GLRA3: variants seen among roughly 807,000 people sequenced by gnomAD.
GLRA3 encodes the protein glycine receptor subunit alpha-3.
A neutral mutation model predicts 60.4 loss-of-function variants in GLRA3; 44 were observed. The ratio of observed to expected loss-of-function variants is 0.73; its 90% CI spans 0.57 to 0.94. The LOEUF (loss-of-function observed/expected upper bound fraction) is 0.94, where lower values mean the gene tolerates loss of function less well. GLRA3 is among the 40% of genes least tolerant of loss of function. GLRA3 has a pLI of 0.00. For synonymous variants in GLRA3, 223 were observed against 192.9 expected (o/e 1.16, Z -1.29); for missense variants, 508 against 564.6 (o/e 0.90, Z 1.02).
At chr4:174,661,556 G>A (rs1321389993) in intron 7 of GLRA3, among the ~76,000 whole-genome samples, 2 of 152,160 alleles carry the variant, frequency 1.3e-5, no homozygotes, top group Admixed American at 6.6e-5. Context: ...CCTTCCTGTT[G>A]GGAGGATTAT....
chr4:174,809,186 G>A (rs1354435423), intron 1 of GLRA3, among the ~76,000 whole-genome samples: 6 of 152,110 alleles, frequency 3.9e-5, no homozygotes, highest in Non-Finnish European at 5.9e-5. Context: ...TTAGACATAT[G>A]TATACAATTG....
intron 1 of GLRA3, among the ~76,000 whole-genome samples, chr4:174,800,909 A>G (rs1739784287): frequency 6.8e-6 from 1 of 147,792 alleles, no homozygotes; most frequent in Non-Finnish European, 1.5e-5. Context: ...AATACAGATT[A>G]CATCTGTTTT....
In GLRA3 at chr4:174,659,136, G is replaced by A. The variant is rs760631561; in HGVS notation, c.989C>T (p.Ala330Val). The A allele has an allele frequency of 6.2e-7, 1 of 1,610,918 alleles. No individual in the cohort carries two copies. Among genetic ancestry groups the A allele is most frequent in the South Asian group, 1.1e-5 (1 of 90,992 alleles). ...ATTTACAGCTGCATACTCCAGAAGT[G>A]CTGAAAACACAAAAAGGAGGCATAC... ...MAVCLLFVFS[A>V]LLEYAAVNFV... Residue 330 changes from alanine (A) to valine (V), a missense_variant, in exon 8 of 10, where the codon GCA becomes GTA. By Grantham distance (64) the Ala-to-Val change is moderately conservative. Coordinates refer to ENST00000274093, the MANE Select transcript of GLRA3 (RefSeq NM_006529.4).
intron 2 of GLRA3, among the ~76,000 whole-genome samples, chr4:174,772,911 A>T (rs961497412): frequency 5.9e-5 from 9 of 152,192 alleles, no homozygotes; most frequent in African/African-American, 1.2e-4. Context: ...AATGAAATGG[A>T]TACAGCATCA....
chr4:174,693,696 T>C (rs1188551768), intron 5 of GLRA3, among the ~76,000 whole-genome samples: 3 of 152,204 alleles, frequency 2.0e-5, no homozygotes, highest in Admixed American at 6.5e-5. Flanking sequence ...AGAATGTCAT[T>C]GTTAATTTTA....
chr4:174,815,484 T>C (rs1325148087), intron 1 of GLRA3, among the ~76,000 whole-genome samples: 3 of 152,140 alleles, frequency 2.0e-5, no homozygotes, highest in Admixed American at 1.3e-4. Flanking sequence ...CTAGCAGAAG[T>C]TCCCCATGAG....
chr4:174,819,214 G>A (rs899308134), intron 1 of GLRA3, among the ~76,000 whole-genome samples: 4 of 152,166 alleles, frequency 2.6e-5, no homozygotes, highest in Non-Finnish European at 4.4e-5. Flanking sequence ...ATTAGAATAT[G>A]TTCTTCCCTA....
In GLRA3 at chr4:174,828,731, G is replaced by T. The variant is rs766424970; in HGVS notation, c.71+10C>A. 11 of 1,579,990 alleles carry T rather than the reference G, an allele frequency of 7.0e-6. No individual in the cohort carries two copies. The highest frequency in any genetic ancestry group is 9.6e-6 in the Non-Finnish European group (11 of 1,148,916). ...TGAGTTCTCCGACTGTTAAATCCAA[G>T]CGAACTCACCTGAGTAACAGTGCTG... is the stretch of plus-strand genomic sequence containing the variant. On this transcript the variant is annotated intron_variant, in intron 1 of 9. Transcript: ENST00000274093.
At position 174,727,797 on chromosome 4, in the gene GLRA3, GT is replaced by G. The variant is rs201811599; in HGVS notation, c.491+677del. On this transcript the variant is annotated intron_variant, in intron 4 of 9. Coordinates refer to ENST00000274093, the MANE Select transcript of GLRA3 (RefSeq NM_006529.4). ...GGTATTAATTATTATTCAATATTGG[GT>G]TTTTTTTAATGCTATACACTTTTCT... Among the ~76,000 whole-genome samples, 20 of 151,628 alleles carry G rather than the reference GT, an allele frequency of 1.3e-4. 1 individual carries two copies. The highest frequency in any genetic ancestry group is 6.2e-4 in the South Asian group (3 of 4,806).
At chr4:174,819,888 T>C (rs1413914303) in intron 1 of GLRA3, among the ~76,000 whole-genome samples, 1 of 152,174 alleles carries the variant, frequency 6.6e-6, no homozygotes, top group East Asian at 1.9e-4. Flanking sequence ...ATATTTAGCA[T>C]TGTCATTTAG....
At chr4:174,725,192 CCA>C (rs1736274570) in intron 4 of GLRA3, among the ~76,000 whole-genome samples, 1 of 152,182 alleles carries the variant, frequency 6.6e-6, no homozygotes, top group Non-Finnish European at 1.5e-5. Flanking sequence ...TTCCCAGGCC[CCA>C]CGGCCAATCT....
Position 174,719,065 on chromosome 4 carries a change from C to G in GLRA3, c.492-3495G>C, listed in dbSNP as rs1014010083. Among the ~76,000 whole-genome samples the G allele has an allele frequency of 1.1e-4, 17 of 149,950 alleles. No individual in the cohort carries two copies. The East Asian group carries it at 1.4e-3, about 12-fold the overall frequency. On this transcript the variant is annotated intron_variant, in intron 4 of 9. Transcript: ENST00000274093. ...GCAGGCTCCGCCCCCTGGGGTTCAC[C>G]CCATTCTCCTGCCTCAGCCTCCCGA...
At chr4:174,799,834 G>A (rs1259029555) in intron 1 of GLRA3, among the ~76,000 whole-genome samples, 1 of 151,922 alleles carries the variant, frequency 6.6e-6, no homozygotes, top group Non-Finnish European at 1.5e-5. Flanking sequence ...CAACACCTGG[G>A]ATGTAATATA....
In GLRA3 at chr4:174,643,928, C is replaced by T. The variant is rs1579377301; in HGVS notation, c.1253G>A (p.Arg418Lys). 6.2e-7 allele frequency: 1 copy of T among 1,614,064 alleles called. No individual in the cohort carries two copies. The highest frequency in any genetic ancestry group is 8.5e-7 in the Non-Finnish European group (1 of 1,179,978). Residue 418 changes from arginine to lysine, a missense_variant, in exon 10 of 10, where the codon AGG becomes AAG. Around this residue, in one of 3 missense-constraint regions of GLRA3, gnomAD observed 176 missense variants for 197.9 expected, o/e 0.89. Coordinates refer to ENST00000274093, the MANE Select transcript of GLRA3 (RefSeq NM_006529.4). Reference sequence around the variant, plus strand: ...CTTGGCCCGGTCGATAAAGACCTTCCTCATTTCATCAGGACTTTTTGGCAT... The same window carrying T: ...CTTGGCCCGGTCGATAAAGACCTTCTTCATTTCATCAGGACTTTTTGGCAT... ...QVMPKSPDEM[R>K]KVFIDRAKKI...
At chr4:174,779,200 G>C (rs952733437) in intron 2 of GLRA3, among the ~76,000 whole-genome samples, 1 of 152,194 alleles carries the variant, frequency 6.6e-6, no homozygotes, top group East Asian at 1.9e-4. Flanking sequence ...CCCAGCAGGG[G>C]CACACTGACA....
At chr4:174,715,653 T>C in intron 4 of GLRA3, 83 bp from the exon 5 acceptor site, 1 of 636,534 alleles carries the variant, frequency 1.6e-6, no homozygotes, top group South Asian at 2.3e-5. Context: ...AATGTTGCTT[T>C]GCTGGTGACT....
chr4:174,650,221 C>G (rs2110859355), intron 9 of GLRA3, among the ~76,000 whole-genome samples: 1 of 152,238 alleles, frequency 6.6e-6, no homozygotes, highest in South Asian at 2.1e-4. Context: ...AGAGAAAAAA[C>G]TTGTGGCACT....
At chr4:174,738,687 G>A (rs1736893035) in intron 3 of GLRA3, among the ~76,000 whole-genome samples, 1 of 152,080 alleles carries the variant, frequency 6.6e-6, no homozygotes. Flanking sequence ...TCTTTTCTCT[G>A]TAAAATTAGC....
chr4:174,668,139 A>G (rs527997747), intron 7 of GLRA3, among the ~76,000 whole-genome samples: 2 of 152,186 alleles, frequency 1.3e-5, no homozygotes, highest in South Asian at 2.1e-4. Flanking sequence ...ACCTTCCACT[A>G]TGATTGTAAG....
Sources: gnomAD v4.1 joint callset for allele counts (sites outside exome capture counted in the v4.1 genomes callset) on GRCh38, gnomAD v4.1.1 for gene constraint, gnomAD v4.1.1 regional missense constraint, MANE v1.5 for transcripts, NCBI Gene and HGNC (gene_info 2026-07-23, HGNC 2026-07-21) for gene names.